The following ZDHHC15 variants were observed in gnomAD, a reference collection of about 807,000 sequenced individuals.
ZDHHC15 encodes the protein zDHHC palmitoyltransferase 15.
Under a neutral mutation model 31.7 loss-of-function variants are expected in ZDHHC15, and 19 were observed. The observed-to-expected ratio is 0.60, with a 90% CI of 0.42 to 0.88. ZDHHC15 has a LOEUF of 0.88. Ranked by LOEUF, ZDHHC15 falls within the 40% of genes least tolerant of loss-of-function variation. The pLI is 0.00. For synonymous variants in ZDHHC15, 103 were observed against 90.0 expected, an observed-to-expected ratio of 1.14 and a Z score of -0.82; for missense variants, 209 against 251.2, an observed-to-expected ratio of 0.83 and a Z score of 1.14.
chrX:75,494,090 GGATACAAAATCAATGTACAAAAATCACAA>G (rs2084947449), intron 2 of ZDHHC15, among the ~76,000 whole-genome samples: 1 of 111,508 alleles, frequency 9.0e-6, no homozygotes, highest in Non-Finnish European at 1.9e-5. Context: ...CAAAGTCTCA[GGATACAAAATCAATGTACAAAAATCACAA>G]GCATTCTTAT....
chrX:75,407,728 A>G (rs1472894076), intron 10 of ZDHHC15, among the ~76,000 whole-genome samples: 1 of 113,158 alleles, frequency 8.8e-6, no homozygotes, highest in African/African-American at 3.2e-5. Context: ...CAGCTCATTG[A>G]GAATGGGCCA....
chrX:75,449,102 A>G (rs1198598479), intron 4 of ZDHHC15, among the ~76,000 whole-genome samples: 2 of 109,550 alleles, frequency 1.8e-5, no homozygotes, highest in Admixed American at 2.0e-4. Context: ...TAATTACATT[A>G]CCAGCTTTCC....
chrX:75,433,466 T>C (rs760698060), intron 4 of ZDHHC15, among the ~76,000 whole-genome samples: 1 of 109,633 alleles, frequency 9.1e-6, no homozygotes, highest in East Asian at 2.9e-4. Flanking sequence ...GAGTACACTA[T>C]ATCATTCTTA....
intron 4 of ZDHHC15, among the ~76,000 whole-genome samples, chrX:75,448,255 T>C (rs2084060934): frequency 8.9e-6 from 1 of 111,976 alleles, no homozygotes; most frequent in Non-Finnish European, 1.9e-5. Context: ...TCTTCAGAAC[T>C]GGAGATTTGG....
At chrX:75,392,698 A>G (rs2083259408) in intron 10 of ZDHHC15, among the ~76,000 whole-genome samples, 1 of 112,565 alleles carries the variant, frequency 8.9e-6, no homozygotes, top group Admixed American at 9.4e-5. Flanking sequence ...TGTGAAGTCA[A>G]TAAATCTTAT....
At chrX:75,486,062 G>C (rs2084773382) in intron 2 of ZDHHC15, among the ~76,000 whole-genome samples, 1 of 111,946 alleles carries the variant, frequency 8.9e-6, no homozygotes, top group Non-Finnish European at 1.9e-5. Flanking sequence ...CAGACCCTTT[G>C]AAAGAAGCAG....
chrX:75,510,549 C>A (rs1409864611), intron 1 of ZDHHC15, among the ~76,000 whole-genome samples: 14 of 48,125 alleles, frequency 2.9e-4, no homozygotes, highest in African/African-American at 1.0e-3. Context: ...TTTTTTTTAT[C>A]TTTTGTCTTT....
intron 10 of ZDHHC15, among the ~76,000 whole-genome samples, chrX:75,407,577 C>T (rs1335616848): frequency 9.2e-6 from 1 of 108,350 alleles, no homozygotes; most frequent in Non-Finnish European, 1.9e-5. Flanking sequence ...CGGCCAGCTG[C>T]CCCGTTTGGG....
intron 3 of ZDHHC15, among the ~76,000 whole-genome samples, chrX:75,477,204 G>A (rs1386176431): frequency 9.4e-6 from 1 of 106,703 alleles, no homozygotes; most frequent in African/African-American, 3.3e-5. Flanking sequence ...TTGATTTGTG[G>A]TTTCATTCCA....
intron 5 of ZDHHC15, among the ~76,000 whole-genome samples, chrX:75,430,603 T>G (rs2083768739): frequency 9.0e-6 from 1 of 111,334 alleles, no homozygotes; most frequent in Non-Finnish European, 1.9e-5. Flanking sequence ...TACTCCACCT[T>G]CAAGGATGGA....
chrX:75,522,381 T>G (rs1160927879), intron 1 of ZDHHC15, among the ~76,000 whole-genome samples: 5 of 111,142 alleles, frequency 4.5e-5, no homozygotes, highest in Non-Finnish European at 5.7e-5. Flanking sequence ...GGAGAGCTAG[T>G]AAGAGAGTAG....
At chrX:75,444,851 G>T (rs2084011457) in intron 4 of ZDHHC15, among the ~76,000 whole-genome samples, 2 of 107,814 alleles carry the variant, frequency 1.9e-5, no homozygotes, top group African/African-American at 6.8e-5. Flanking sequence ...CTGCCTGACT[G>T]CATGAGATAA....
At chrX:75,519,437 A>G (rs992418057) in intron 1 of ZDHHC15, among the ~76,000 whole-genome samples, 1 of 111,647 alleles carries the variant, frequency 9.0e-6, no homozygotes, top group African/African-American at 3.3e-5. Context: ...ACCATTTGTC[A>G]TATGGATGAA....
chrX:75,413,371 A>G (rs887237781), intron 10 of ZDHHC15, among the ~76,000 whole-genome samples: 1 of 111,931 alleles, frequency 8.9e-6, no homozygotes, highest in Non-Finnish European at 1.9e-5. Flanking sequence ...AATGACCACA[A>G]TCAAAGAGTT....
At chrX:75,521,148 A>G (rs946787133) in intron 1 of ZDHHC15, among the ~76,000 whole-genome samples, 1 of 110,923 alleles carries the variant, frequency 9.0e-6, no homozygotes, top group Non-Finnish European at 1.9e-5. Flanking sequence ...GGGATGTCCA[A>G]TGGGTCAGGA....
rs35704680 is a variant in ZDHHC15, at chrX:75,373,926, GTTTTTTTTTTTT to G, written c.*33-993_*33-982del. On this transcript the variant is annotated intron_variant, in intron 11 of 11. Transcript: ENST00000373367. Reference sequence around the variant, plus strand: ...ATACTAGGTCTTATTCATTCTTTCTGTTTTTTTTTTTTTTTTTTTTTTGTAGCCATTAACAAT... The same window carrying G: ...ATACTAGGTCTTATTCATTCTTTCTGTTTTTTTTTTGTAGCCATTAACAAT... Among the ~76,000 whole-genome samples, 15 of 50,456 alleles carry G rather than the reference GTTTTTTTTTTTT, an allele frequency of 3.0e-4. 1 individual carries two copies. The highest frequency in any genetic ancestry group is 1.0e-4 in the Non-Finnish European group (3 of 29,383). 43.8% of individuals were successfully genotyped at this position (50,456 alleles called of 115,157 possible). A position where few individuals can be genotyped will look rare whatever the true frequency, so the allele number is the denominator to read the frequency against.
rs190973025 is a variant in ZDHHC15, at chrX:75,386,374, T to A, written c.968-7176A>T. ...TACCTTTACTTGATAAAAATATGCC[T>A]TCTAGGATATATTCTATAAAAATTA... is the stretch of plus-strand genomic sequence containing the variant. On this transcript the variant is annotated intron_variant, in intron 10 of 11. Transcript: ENST00000373367. Among the ~76,000 whole-genome samples the A allele has an allele frequency of 1.4e-4, 16 of 112,264 alleles. No homozygotes were observed. The East Asian group carries it at 4.4e-3, about 31-fold the overall frequency.
At chrX:75,382,512 T>A (rs9887743) in intron 10 of ZDHHC15, among the ~76,000 whole-genome samples, 65,851 of 110,796 alleles carry the variant, frequency 0.59, 17,094 homozygotes, top group Middle Eastern at 0.82. Flanking sequence ...AGGCCTAGGA[T>A]TCCTACTCTC....
chrX:75,418,701 T>C (rs2083579502), intron 9 of ZDHHC15, among the ~76,000 whole-genome samples: 1 of 111,870 alleles, frequency 8.9e-6, no homozygotes, highest in Non-Finnish European at 1.9e-5. Context: ...AAACAAGCAA[T>C]GGGGAAAGGA....
Sources: allele counts gnomAD v4.1 joint callset (sites outside exome capture counted in the v4.1 genomes callset), GRCh38; gene constraint gnomAD v4.1.1; transcripts MANE v1.5; gene names NCBI Gene and HGNC (gene_info 2026-07-23, HGNC 2026-07-21).